ACYP2: variants seen among roughly 807,000 people sequenced by gnomAD.
ACYP2 encodes acylphosphatase-2.
In ACYP2, 12 loss-of-function variants were observed where a neutral mutation model predicts 11.2. The ratio of observed to expected loss-of-function variants is 1.08; its 90% confidence interval spans 0.69 to 1.74. The LOEUF is 1.74. Ranked by LOEUF, ACYP2 falls within the 40% of genes most tolerant of loss-of-function variation. The pLI is 0.00. For missense variants in ACYP2, 134 were observed against 101.9 expected (o/e 1.31, Z -1.35); for synonymous variants, 43 against 32.2 (o/e 1.33, Z -1.13).
chr2:54,177,966 G>A (rs1396182563), intron 6 of ACYP2, among the ~76,000 whole-genome samples: 5 of 145,042 alleles, frequency 3.4e-5, no homozygotes, highest in South Asian at 2.2e-4. Flanking sequence ...GTGCAGTGGC[G>A]CCATCTCGGC....
chr2:54,250,719 C>T (rs1192400229), intron 6 of ACYP2, among the ~76,000 whole-genome samples: 1 of 152,124 alleles, frequency 6.6e-6, no homozygotes, highest in African/African-American at 2.4e-5. Flanking sequence ...ACTTCATTTT[C>T]AAATGGTAAA....
chr2:54,067,770 T>C (rs1219149161), intron 4 of ACYP2, among the ~76,000 whole-genome samples: 4 of 152,134 alleles, frequency 2.6e-5, no homozygotes, highest in African/African-American at 9.7e-5. Context: ...AGCAAACCTG[T>C]AGGGGAAAGT....
At chr2:54,119,330 T>G (rs1680007572) in intron 4 of ACYP2, among the ~76,000 whole-genome samples, 1 of 152,072 alleles carries the variant, frequency 6.6e-6, no homozygotes, top group Non-Finnish European at 1.5e-5. Context: ...GTTCTGGCCT[T>G]ATAAGCATGA....
intron 6 of ACYP2, among the ~76,000 whole-genome samples, chr2:54,230,567 T>A (rs1328320457): frequency 6.6e-6 from 1 of 152,074 alleles, no homozygotes; most frequent in Non-Finnish European, 1.5e-5. Context: ...GGTTTCTCCA[T>A]GTTGGTCAGG....
chr2:54,198,913 C>G (rs956821045), intron 6 of ACYP2, among the ~76,000 whole-genome samples: 3 of 152,218 alleles, frequency 2.0e-5, no homozygotes, highest in African/African-American at 4.8e-5. Flanking sequence ...TACCAACACT[C>G]TCTCCCCTCA....
At chr2:53,980,374 T>A (rs896061331) in intron 2 of ACYP2, among the ~76,000 whole-genome samples, 13 of 151,658 alleles carry the variant, frequency 8.6e-5, no homozygotes, top group Non-Finnish European at 1.6e-4. Flanking sequence ...TTTTTTTTTT[T>A]ATAAAAAGAA....
At chr2:54,191,112 C>T (rs1684220006) in intron 6 of ACYP2, among the ~76,000 whole-genome samples, 1 of 152,118 alleles carries the variant, frequency 6.6e-6, no homozygotes, top group Non-Finnish European at 1.5e-5. Flanking sequence ...GAGACTATTG[C>T]AGTAGCTGTA....
intron 6 of ACYP2, among the ~76,000 whole-genome samples, chr2:54,279,770 C>A (rs1402395225): frequency 2.0e-5 from 3 of 152,210 alleles, no homozygotes; most frequent in Non-Finnish European, 4.4e-5. Flanking sequence ...ATATTTCTCA[C>A]ATTCCTTCAT....
chr2:53,992,975 G>C (rs1233159281), intron 2 of ACYP2, among the ~76,000 whole-genome samples: 2 of 152,130 alleles, frequency 1.3e-5, no homozygotes, highest in East Asian at 3.9e-4. Context: ...GGAGGTCAAG[G>C]CAGACGGATC....
intron 6 of ACYP2, among the ~76,000 whole-genome samples, chr2:54,218,096 A>C (rs1468666712): frequency 1.3e-5 from 2 of 152,156 alleles, no homozygotes; most frequent in African/African-American, 4.8e-5. Flanking sequence ...CCCAGTTTTC[A>C]AGTTCCTTCA....
At chr2:54,131,707 A>G (rs953665148) in intron 4 of ACYP2, among the ~76,000 whole-genome samples, 4 of 152,198 alleles carry the variant, frequency 2.6e-5, no homozygotes, top group Admixed American at 6.5e-5. Flanking sequence ...GTGGTACCCT[A>G]CGAGATTTTA....
chr2:54,294,277 G>A (rs1219710762), intron 6 of ACYP2, among the ~76,000 whole-genome samples: 4 of 152,136 alleles, frequency 2.6e-5, no homozygotes, highest in South Asian at 4.1e-4. Flanking sequence ...AGGAAATACT[G>A]ACTGACTTGA....
rs373431643 is a variant in ACYP2, at chr2:54,270,543, G to A, written c.405-34145G>A. Among the ~76,000 whole-genome samples the A allele has an allele frequency of 3.3e-5, 5 of 152,092 alleles. No individual in the cohort carries two copies. The East Asian group carries it at 9.6e-4, about 29-fold the overall frequency. On this transcript the variant is annotated intron_variant, in intron 6 of 6. Coordinates refer to ENST00000607452, the MANE Select transcript of ACYP2 (RefSeq NM_001320586.2). Reference sequence around the variant, plus strand: ...AGATCATTTGAGCTCAGTAGACGAGGCTACAGTGAGCCATGATCACACAAC... The same window carrying A: ...AGATCATTTGAGCTCAGTAGACGAGACTACAGTGAGCCATGATCACACAAC...
chr2:54,180,987 T>C (rs1261645160), intron 6 of ACYP2, among the ~76,000 whole-genome samples: 1 of 152,190 alleles, frequency 6.6e-6, no homozygotes, highest in East Asian at 1.9e-4. Context: ...GATAGGAATT[T>C]TAGAGGGACA....
At chr2:54,273,884 A>C (rs1688429084) in intron 6 of ACYP2, among the ~76,000 whole-genome samples, 1 of 152,036 alleles carries the variant, frequency 6.6e-6, no homozygotes, top group East Asian at 1.9e-4. Context: ...AATAGTTACA[A>C]ACAATTATTT....
At chr2:54,189,242 A>C (rs1046599018) in intron 6 of ACYP2, among the ~76,000 whole-genome samples, 4 of 152,184 alleles carry the variant, frequency 2.6e-5, no homozygotes, top group Admixed American at 1.3e-4. Context: ...TATTAACTGT[A>C]GTCATGTTGT....
rs1573082247 is a variant in ACYP2, at chr2:54,304,995, T to C, written c.*193T>C. 1 of 387,088 alleles carries C rather than the reference T, an allele frequency of 2.6e-6. No individual in the cohort carries two copies. Among genetic ancestry groups the C allele is most frequent in the Non-Finnish European group, 4.6e-6 (1 of 218,102 alleles). The allele number at this position is 387,088 out of a possible 1,614,324, so 24.0% of individuals were successfully genotyped here. A position where few individuals can be genotyped will look rare whatever the true frequency, so the allele number is the denominator to read the frequency against. ...ACTATGTTTTCAACAAGCAAAAATA[T>C]AGTATTCTAAGATTAAAATGTCATT... On this transcript the variant is annotated 3_prime_UTR_variant, in exon 7 of 7. Transcript: ENST00000607452.
At chr2:54,188,845 C>T (rs569160246) in intron 6 of ACYP2, among the ~76,000 whole-genome samples, 7 of 152,242 alleles carry the variant, frequency 4.6e-5, no homozygotes, top group South Asian at 2.1e-4. Context: ...TTCACACTCC[C>T]GTTCCCAGCC....
chr2:53,985,549 C>T (rs952440124), intron 2 of ACYP2, among the ~76,000 whole-genome samples: 3 of 152,116 alleles, frequency 2.0e-5, no homozygotes, highest in Admixed American at 2.0e-4. Context: ...AGCACTACCC[C>T]AAAGAGTCTA....
Sources: gnomAD v4.1 joint callset for allele counts (sites outside exome capture counted in the v4.1 genomes callset) on GRCh38, gnomAD v4.1.1 for gene constraint, MANE v1.5 for transcripts, NCBI Gene and HGNC (gene_info 2026-07-23, HGNC 2026-07-21) for gene names.